Variants in SPTB observed in about 807,000 individuals in gnomAD.
SPTB encodes spectrin beta chain, erythrocytic.
SPTB carries 45 observed loss-of-function variants against 256.2 expected under a neutral mutation model. That is an observed-to-expected ratio of 0.18 (90% CI 0.14 to 0.23). The LOEUF is 0.23. SPTB is among the 10% of genes least tolerant of loss of function. SPTB has a pLI of 1.00. For synonymous variants in SPTB, 1,231 were observed against 1,243.1 expected, an observed-to-expected ratio of 0.99 and a Z score of 0.21; for missense variants, 2,715 against 3,040.4, an observed-to-expected ratio of 0.89 and a Z score of 2.52.
In SPTB at chr14:64,816,968, C is replaced by G. The variant is rs1353397131; in HGVS notation, c.148+5979G>C. 2.0e-5 allele frequency among the ~76,000 whole-genome samples: 3 copies of G among 152,326 alleles called. No individual in the cohort carries two copies. The highest frequency in any genetic ancestry group is 1.9e-4 in the East Asian group (1 of 5,190). ...GAGGAGGCTATTAACGTGGTTCACTCAGACTGCACTGCCCGGGGAGAGAAC... is the reference window on the plus strand; with the variant it reads ...GAGGAGGCTATTAACGTGGTTCACTGAGACTGCACTGCCCGGGGAGAGAAC... On this transcript the variant is annotated intron_variant, in intron 2 of 35. Coordinates refer to ENST00000644917, the MANE Select transcript of SPTB (RefSeq NM_001355436.2). This position sits in a 1 kb window ranked among gnomAD's most constrained non-coding sequence, Gnocchi z 4.2.
intron 1 of SPTB, among the ~76,000 whole-genome samples, chr14:64,861,226 A>G (rs774173194): frequency 1.3e-5 from 2 of 152,144 alleles, no homozygotes; most frequent in South Asian, 4.2e-4. Flanking sequence ...GAGGGAACTT[A>G]GAGGACAGGT....
At chr14:64,771,183 G>A (rs2082274036) in intron 26 of SPTB, 54 bp from the exon 27 acceptor site, 10 of 1,607,366 alleles carry the variant, frequency 6.2e-6, no homozygotes, top group Non-Finnish European at 7.6e-6. Context: ...CCTAGGTGCT[G>A]TGGGCCTAGG....
intron 1 of SPTB, among the ~76,000 whole-genome samples, chr14:64,840,053 G>A (rs1344934757): frequency 1.3e-5 from 2 of 152,220 alleles, no homozygotes; most frequent in Admixed American, 6.5e-5. Context: ...TGTGAGACAG[G>A]TGGGAAAGGT....
intron 2 of SPTB, among the ~76,000 whole-genome samples, chr14:64,818,842 C>G (rs1015066391): frequency 6.6e-6 from 1 of 152,190 alleles, no homozygotes; most frequent in Admixed American, 6.5e-5. Flanking sequence ...AGGATAGGAA[C>G]TTGGGCTTTT....
At chr14:64,765,108 G>A (rs1566739957) in intron 32 of SPTB, among the ~76,000 whole-genome samples, 1 of 151,686 alleles carries the variant, frequency 6.6e-6, no homozygotes, top group Non-Finnish European at 1.5e-5. Flanking sequence ...CAGAGGGTGA[G>A]AAGGGCTGAA....
At position 64,787,115 on chromosome 14, in the gene SPTB, C is replaced by T. The variant is rs1230639633; in HGVS notation, c.2850G>A (p.Val950=). Residue 950 remains valine (V), a synonymous_variant, in exon 16 of 36, where the codon GTG becomes GTA. Transcript: ENST00000644917. ...QTLVSERREA[V]DSALRVHNYC... The stretch of plus-strand genomic sequence containing the variant: ...AGTTGTGCACTCGGAGGGCTGAGTC[C>T]ACAGCCTCCCGCCGCTCCGACACCA... The T allele has an allele frequency of 2.5e-6, 4 of 1,605,000 alleles. No homozygotes were observed. Among genetic ancestry groups the T allele is most frequent in the South Asian group, 2.2e-5 (2 of 91,054 alleles).
At chr14:64,865,474 A>C (rs538097997) in intron 1 of SPTB, among the ~76,000 whole-genome samples, 1 of 152,086 alleles carries the variant, frequency 6.6e-6, no homozygotes, top group South Asian at 2.1e-4. Context: ...TCCCTCCCCC[A>C]CCTGGACTGA....
At chr14:64,767,476 GC>G in intron 30 of SPTB, 124 bp from the exon 31 acceptor site, 1 of 1,444,048 alleles carries the variant, frequency 6.9e-7, no homozygotes, top group Non-Finnish European at 9.7e-7. Flanking sequence ...TCTAGAGTCA[GC>G]CCCTTCTGTC....
At chr14:64,766,169 TG>T (rs1242297009) in intron 32 of SPTB, among the ~76,000 whole-genome samples, 285 of 147,978 alleles carry the variant, frequency 1.9e-3, no homozygotes, top group African/African-American at 6.8e-3. Context: ...TGTGTGTATG[TG>T]TATGTGTGTG....
chr14:64,834,133 T>G (rs1252261612), intron 1 of SPTB, among the ~76,000 whole-genome samples: 1 of 152,076 alleles, frequency 6.6e-6, no homozygotes, highest in African/African-American at 2.4e-5. Context: ...TTCAAGTGAT[T>G]CTCTTGTCTC....
chr14:64,762,112 A>G (rs1390965598), intron 32 of SPTB, among the ~76,000 whole-genome samples: 1 of 152,212 alleles, frequency 6.6e-6, no homozygotes, highest in Non-Finnish European at 1.5e-5. Context: ...AGCCAGGCGC[A>G]GTGCCAGAGT....
chr14:64,768,151 C>A, intron 29 of SPTB: 2 of 475,856 alleles, frequency 4.2e-6, no homozygotes, highest in South Asian at 4.1e-5. Flanking sequence ...AAGTGATCCT[C>A]CCATCTCAGC....
At chr14:64,822,267 A>G (rs961346676) in intron 2 of SPTB, among the ~76,000 whole-genome samples, 2 of 147,870 alleles carry the variant, frequency 1.4e-5, no homozygotes, top group African/African-American at 2.5e-5. Context: ...GGGAAAAAAA[A>G]AAAATCCCAA....
At chr14:64,819,246 G>A (rs1327399370) in intron 2 of SPTB, among the ~76,000 whole-genome samples, 1 of 152,218 alleles carries the variant, frequency 6.6e-6, no homozygotes, top group African/African-American at 2.4e-5. Flanking sequence ...TGAGCCAGAT[G>A]GCTTGTTTCT....
intron 1 of SPTB, among the ~76,000 whole-genome samples, chr14:64,837,335 G>T (rs1045143871): frequency 7.9e-5 from 12 of 152,144 alleles, no homozygotes; most frequent in Non-Finnish European, 1.6e-4. Flanking sequence ...ATCTATTCAT[G>T]AATTCAACTA....
chr14:64,847,261 T>C lies in SPTB; in HGVS notation c.-51-24116A>G, dbSNP rs1348066736. On this transcript the variant is annotated intron_variant, in intron 1 of 35. Transcript: ENST00000644917. The surrounding 1 kb of genome is among the most constrained non-coding windows in gnomAD (Gnocchi z 5.9). ...CCAACTTGGCTGTGGTCTTCTTTCCTAAAACACATCAAAGGCCAAAATCCT... is the reference window on the plus strand; with the variant it reads ...CCAACTTGGCTGTGGTCTTCTTTCCCAAAACACATCAAAGGCCAAAATCCT... Among the ~76,000 whole-genome samples, 1 of 152,192 alleles carries C rather than the reference T, an allele frequency of 6.6e-6. No homozygotes were observed. Among genetic ancestry groups the C allele is most frequent in the Non-Finnish European group, 1.5e-5 (1 of 68,034 alleles).
intron 29 of SPTB, 101 bp from the exon 30 acceptor site, chr14:64,767,960 G>C: frequency 7.3e-7 from 1 of 1,365,848 alleles, no homozygotes; most frequent in Non-Finnish European, 1.0e-6. Context: ...CAGGTGGCCT[G>C]AATAGGTGTC....
In SPTB at chr14:64,825,196, G is replaced by A. The variant is rs1459590116; in HGVS notation, c.-51-2051C>T. Among the ~76,000 whole-genome samples, 2 of 152,120 alleles carry A rather than the reference G, an allele frequency of 1.3e-5. No homozygotes were observed. Among genetic ancestry groups the A allele is most frequent in the Non-Finnish European group, 2.9e-5 (2 of 68,028 alleles). On this transcript the variant is annotated intron_variant, in intron 1 of 35. Transcript: ENST00000644917. The surrounding 1 kb of genome is among the most constrained non-coding windows in gnomAD (Gnocchi z 4.8). ...AGGAGGGCAGGTGGGGAAAGGACAT[G>A]GTGCATGGGGACAGAGGGCATTTCC...
Position 64,841,822 on chromosome 14 carries a change from G to A in SPTB, c.-51-18677C>T, listed in dbSNP as rs942855876. ...TTTGCAAAAGAAGGGAAACCCCCGCGTATGGAACCAGAAGAGGGTTTCTTG... is the reference window on the plus strand; with the variant it reads ...TTTGCAAAAGAAGGGAAACCCCCGCATATGGAACCAGAAGAGGGTTTCTTG... On this transcript the variant is annotated intron_variant, in intron 1 of 35. Transcript: ENST00000644917. The surrounding 1 kb of genome is among the most constrained non-coding windows in gnomAD (Gnocchi z 4.6). Among the ~76,000 whole-genome samples the A allele has an allele frequency of 6.6e-6, 1 of 152,246 alleles. No homozygotes were observed. The highest frequency in any genetic ancestry group is 2.4e-5 in the African/African-American group (1 of 41,520).
Sources: gnomAD v4.1 joint callset for allele counts (sites outside exome capture counted in the v4.1 genomes callset) on GRCh38, gnomAD v4.1.1 for gene constraint, Gnocchi (gnomAD v3.1) non-coding constraint, MANE v1.5 for transcripts, NCBI Gene and HGNC (gene_info 2026-07-23, HGNC 2026-07-21) for gene names.